The following SH3RF3 variants were observed in gnomAD, a reference collection of about 807,000 sequenced individuals.
SH3RF3 encodes the protein E3 ubiquitin-protein ligase SH3RF3.
In SH3RF3, 29 loss-of-function variants were observed where a neutral mutation model predicts 66.3. The observed-to-expected ratio is 0.44, with a 90% confidence interval of 0.33 to 0.60. The LOEUF is 0.60. Among genes scored for constraint, SH3RF3 ranks in the 20% least tolerant of loss-of-function variants. The probability of loss-of-function intolerance (pLI) is 0.04; values close to 1 mark genes in which losing one functional copy is unlikely to be tolerated. For synonymous variants in SH3RF3, 583 were observed against 532.0 expected (o/e 1.10, Z -1.32); for missense variants, 1,194 against 1,190.9 (o/e 1.00, Z -0.04).
At chr2:109,249,825 TTTTTG>T (rs1442991560) in intron 1 of SH3RF3, among the ~76,000 whole-genome samples, 2 of 149,518 alleles carry the variant, frequency 1.3e-5, no homozygotes, top group African/African-American at 2.5e-5. Context: ...CCCGGCTAAT[TTTTTG>T]TTTTATTTAT....
chr2:109,192,610 GA>G (rs374900245), intron 1 of SH3RF3, among the ~76,000 whole-genome samples: 7 of 152,340 alleles, frequency 4.6e-5, no homozygotes, highest in African/African-American at 1.2e-4. Context: ...ATGAGATAAA[GA>G]GAGAAGCTGG....
intron 1 of SH3RF3, among the ~76,000 whole-genome samples, chr2:109,303,499 G>T (rs1681520464): frequency 6.6e-6 from 1 of 152,154 alleles, no homozygotes; most frequent in Non-Finnish European, 1.5e-5. Context: ...ATATTTTCAG[G>T]CCTAGGTAGC....
chr2:109,301,650 A>C (rs1220517809), intron 1 of SH3RF3, among the ~76,000 whole-genome samples: 1 of 152,166 alleles, frequency 6.6e-6, no homozygotes, highest in Non-Finnish European at 1.5e-5. Context: ...TGCCGAGACC[A>C]CTAGGCTCCT....
intron 1 of SH3RF3, among the ~76,000 whole-genome samples, chr2:109,196,584 G>T (rs1162483410): frequency 6.6e-6 from 1 of 152,200 alleles, no homozygotes; most frequent in African/African-American, 2.4e-5. Flanking sequence ...TACATCATGT[G>T]GCTGGATGTG....
chr2:109,500,911 C>A (rs190361663), intron 9 of SH3RF3, among the ~76,000 whole-genome samples: 1 of 152,152 alleles, frequency 6.6e-6, no homozygotes, highest in African/African-American at 2.4e-5. Flanking sequence ...GATCATACCA[C>A]GGCACTCCAG....
intron 1 of SH3RF3, among the ~76,000 whole-genome samples, chr2:109,276,387 G>T (rs1416528067): frequency 6.6e-6 from 1 of 152,214 alleles, no homozygotes; most frequent in African/African-American, 2.4e-5. Flanking sequence ...CTGTCACTGG[G>T]TGATGGCCTG....
At chr2:109,423,461 C>T (rs1573239688) in intron 5 of SH3RF3, among the ~76,000 whole-genome samples, 1 of 152,308 alleles carries the variant, frequency 6.6e-6, no homozygotes, top group African/African-American at 2.4e-5. Flanking sequence ...CATTCTGGGA[C>T]ACAGGAAAAG....
At chr2:109,415,815 G>A (rs1340090837) in intron 4 of SH3RF3, among the ~76,000 whole-genome samples, 1 of 152,176 alleles carries the variant, frequency 6.6e-6, no homozygotes, top group Admixed American at 6.5e-5. Flanking sequence ...CCCTGCTGTG[G>A]CTTGAATGTC....
At chr2:109,206,699 C>G (rs1460351867) in intron 1 of SH3RF3, among the ~76,000 whole-genome samples, 1 of 151,898 alleles carries the variant, frequency 6.6e-6, no homozygotes, top group African/African-American at 2.4e-5. Flanking sequence ...GCTTATAATT[C>G]CAGCTACTCA....
chr2:109,444,563 G>A (rs900269738), intron 7 of SH3RF3, among the ~76,000 whole-genome samples: 5 of 152,198 alleles, frequency 3.3e-5, no homozygotes, highest in Admixed American at 3.3e-4. Context: ...GTGAGAGAAA[G>A]AAGAGAGAGC....
At chr2:109,140,683 T>C (rs1676926645) in intron 1 of SH3RF3, among the ~76,000 whole-genome samples, 1 of 152,190 alleles carries the variant, frequency 6.6e-6, no homozygotes, top group Non-Finnish European at 1.5e-5. Context: ...GCCCGGCCAA[T>C]TTCATGCTTT....
At chr2:109,236,848 A>C (rs1289866266) in intron 1 of SH3RF3, among the ~76,000 whole-genome samples, 1 of 152,342 alleles carries the variant, frequency 6.6e-6, no homozygotes, top group Middle Eastern at 3.4e-3. Flanking sequence ...TTGCAGGTAC[A>C]GTCTCCGGCT....
intron 1 of SH3RF3, among the ~76,000 whole-genome samples, chr2:109,171,920 C>T (rs1335615318): frequency 2.6e-5 from 4 of 152,234 alleles, no homozygotes; most frequent in South Asian, 2.1e-4. Context: ...ATGCATGTGC[C>T]GAGCCCAGCC....
intron 1 of SH3RF3, among the ~76,000 whole-genome samples, chr2:109,145,167 G>A (rs1677063063): frequency 6.6e-6 from 1 of 152,176 alleles, no homozygotes; most frequent in Admixed American, 6.5e-5. Flanking sequence ...GTAAGGGGCA[G>A]TTCACTCCTG....
Position 109,334,954 on chromosome 2 carries a change from C to T in SH3RF3, c.574-12720C>T, listed in dbSNP as rs928690981. On this transcript the variant is annotated intron_variant, in intron 1 of 9. Transcript: ENST00000309415. ...GAAAGGTTCTGCTTTTAACTCTTTG[C>T]GTGCCTTCCCAGGCCATGCGTCCTG... Among the ~76,000 whole-genome samples, 6 of 152,334 alleles carry T rather than the reference C, an allele frequency of 3.9e-5. No individual in the cohort carries two copies. The East Asian group carries it at 5.8e-4, about 15-fold the overall frequency.
At chr2:109,370,303 G>A (rs527837887) in intron 2 of SH3RF3, among the ~76,000 whole-genome samples, 19 of 151,188 alleles carry the variant, frequency 1.3e-4, no homozygotes, top group African/African-American at 4.4e-4. Flanking sequence ...GCAGAGGTAC[G>A]ATCTCGGCTC....
intron 3 of SH3RF3, among the ~76,000 whole-genome samples, chr2:109,375,417 A>T (rs1380283304): frequency 2.6e-5 from 4 of 152,062 alleles, no homozygotes; most frequent in Non-Finnish European, 5.9e-5. Flanking sequence ...GCCTAGGCTG[A>T]CCCTGCCCCA....
chr2:109,144,132 G>C (rs1454947302), intron 1 of SH3RF3, among the ~76,000 whole-genome samples: 2 of 152,182 alleles, frequency 1.3e-5, no homozygotes, highest in Non-Finnish European at 2.9e-5. Context: ...GTGCAGCATG[G>C]TGACCATAGT....
chr2:109,319,571 C>T (rs1466573396), intron 1 of SH3RF3, among the ~76,000 whole-genome samples: 1 of 152,260 alleles, frequency 6.6e-6, no homozygotes, highest in African/African-American at 2.4e-5. Flanking sequence ...AAAACAAGCC[C>T]AGTGGGGCTC....
Sources: allele counts gnomAD v4.1 joint callset (sites outside exome capture counted in the v4.1 genomes callset), GRCh38; gene constraint gnomAD v4.1.1; transcripts MANE v1.5; gene names NCBI Gene and HGNC (gene_info 2026-07-23, HGNC 2026-07-21).